Variants in GRIA3 observed in about 807,000 individuals in gnomAD.
GRIA3 encodes the protein glutamate ionotropic receptor AMPA type subunit 3.
Under a neutral mutation model 63.0 loss-of-function variants are expected in GRIA3, and 3 were observed. That is an observed-to-expected ratio of 0.05 (90% CI 0.02 to 0.12). The LOEUF is 0.12. GRIA3 is among the 10% of genes least tolerant of loss of function. The probability of loss-of-function intolerance (pLI) is 1.00; values close to 1 mark genes in which losing one functional copy is unlikely to be tolerated. For synonymous variants in GRIA3, 274 were observed against 257.9 expected (o/e 1.06, Z -0.60); for missense variants, 347 against 700.9 (o/e 0.50, Z 5.70).
In GRIA3 at chrX:123,479,820, T is replaced by C. The variant is rs2045904102; in HGVS notation, c.2325-243T>C. Among the ~76,000 whole-genome samples the C allele has an allele frequency of 2.7e-5, 3 of 111,999 alleles. No homozygotes were observed. The South Asian group carries it at 1.1e-3, about 42-fold the overall frequency. ...CCTATCTGAGGAGTGCCTTTTTTTC[T>C]ATCCTCATTATTTAACAGTGTGTGC... On this transcript the variant is annotated intron_variant, in intron 13 of 15. Coordinates refer to ENST00000620443, the MANE Select transcript of GRIA3 (RefSeq NM_007325.5).
intron 13 of GRIA3, among the ~76,000 whole-genome samples, chrX:123,471,601 T>C (rs1400229433): frequency 3.6e-5 from 4 of 111,593 alleles, no homozygotes; most frequent in Non-Finnish European, 7.5e-5. Context: ...AGTGAAATGG[T>C]GTATGTTTAT....
chrX:123,205,557 A>G (rs1013261145), intron 2 of GRIA3, among the ~76,000 whole-genome samples: 5 of 111,921 alleles, frequency 4.5e-5, no homozygotes, highest in Non-Finnish European at 7.5e-5. Flanking sequence ...CTAAAAGTAG[A>G]TATACTAAAA....
At chrX:123,468,835 C>T (rs903008994) in intron 13 of GRIA3, among the ~76,000 whole-genome samples, 3 of 112,296 alleles carry the variant, frequency 2.7e-5, no homozygotes, top group Non-Finnish European at 3.8e-5. Flanking sequence ...AGAGAAAGTG[C>T]GATCCAGAGA....
intron 5 of GRIA3, among the ~76,000 whole-genome samples, chrX:123,375,647 G>C (rs1278893268): frequency 1.8e-5 from 2 of 111,562 alleles, no homozygotes; most frequent in Non-Finnish European, 3.8e-5. Context: ...TCCAGTCTCA[G>C]TTTTCTGGAC....
At chrX:123,365,864 A>T (rs1331067463) in intron 5 of GRIA3, among the ~76,000 whole-genome samples, 2 of 112,107 alleles carry the variant, frequency 1.8e-5, no homozygotes, top group Non-Finnish European at 3.8e-5. Context: ...AAAGTAAAGG[A>T]ACAAAGAATA....
intron 3 of GRIA3, among the ~76,000 whole-genome samples, chrX:123,287,182 G>A (rs900547924): frequency 9.0e-6 from 1 of 111,561 alleles, no homozygotes; most frequent in Non-Finnish European, 1.9e-5. Context: ...TATCTCAATA[G>A]ATGCAGAAAA....
rs1348154756 is a variant in GRIA3 at position 123,428,159 on chromosome X, T to C, written c.2076+20T>C. On this transcript the variant is annotated intron_variant, in intron 12 of 15. Coordinates refer to ENST00000620443, the MANE Select transcript of GRIA3 (RefSeq NM_007325.5). ...TTCAGAGTAAGTGCTCTGCAGTTAA[T>C]TGAGCCTGCTGATATTTATTTTATC... 1.3e-5 allele frequency: 13 copies of C among 1,018,774 alleles called. No individual in the cohort carries two copies. The highest frequency in any genetic ancestry group is 1.8e-5 in the Non-Finnish European group (13 of 721,070). 84.0% of individuals were successfully genotyped at this position (1,018,774 alleles called of 1,213,427 possible).
At chrX:123,185,106 G>C (rs1927223623) in intron 1 of GRIA3, 3 of 296,233 alleles carry the variant, frequency 1.0e-5, no homozygotes, top group African/African-American at 2.7e-5. Context: ...TCCGGCTGTC[G>C]GGAGACAGGC....
chrX:123,370,769 T>C (rs2045241720), intron 5 of GRIA3, among the ~76,000 whole-genome samples: 2 of 85,705 alleles, frequency 2.3e-5, no homozygotes, highest in Non-Finnish European at 5.6e-5. Flanking sequence ...CATATGTGTA[T>C]ATATATATGT....
At chrX:123,300,797 G>A (rs2044718246) in intron 3 of GRIA3, among the ~76,000 whole-genome samples, 1 of 109,972 alleles carries the variant, frequency 9.1e-6, no homozygotes, top group African/African-American at 3.3e-5. Flanking sequence ...TTTTCGAGAT[G>A]GGCATTTAGT....
At chrX:123,215,221 C>T (rs1017496986) in intron 2 of GRIA3, among the ~76,000 whole-genome samples, 10 of 111,712 alleles carry the variant, frequency 9.0e-5, no homozygotes, top group African/African-American at 3.3e-4. Context: ...CTGCTGCCGC[C>T]TCAAGGTATA....
At chrX:123,345,045 A>T (rs1387911321) in intron 4 of GRIA3, among the ~76,000 whole-genome samples, 1 of 111,141 alleles carries the variant, frequency 9.0e-6, no homozygotes, top group Non-Finnish European at 1.9e-5. Flanking sequence ...CATAGTGTAC[A>T]CTTTGAGAAA....
At chrX:123,391,220 T>C (rs2045384841) in intron 5 of GRIA3, among the ~76,000 whole-genome samples, 1 of 111,655 alleles carries the variant, frequency 9.0e-6, no homozygotes, top group Non-Finnish European at 1.9e-5. Context: ...TACTTTTTCG[T>C]ACTTTTTGTG....
intron 6 of GRIA3, among the ~76,000 whole-genome samples, chrX:123,396,253 G>A (rs1216962384): frequency 9.7e-6 from 1 of 103,160 alleles, no homozygotes; most frequent in East Asian, 3.1e-4. Context: ...AGGGAGAACA[G>A]TAGGCAACAC....
intron 5 of GRIA3, among the ~76,000 whole-genome samples, chrX:123,393,913 T>C (rs956143044): frequency 3.6e-5 from 4 of 112,200 alleles, no homozygotes; most frequent in African/African-American, 1.3e-4. Flanking sequence ...CAGCAATTCC[T>C]AGGCTGCTAC....
intron 3 of GRIA3, among the ~76,000 whole-genome samples, chrX:123,254,015 T>C (rs989812748): frequency 3.0e-4 from 34 of 112,241 alleles, no homozygotes; most frequent in African/African-American, 1.0e-3. Flanking sequence ...GCAATGTCTC[T>C]TGCTTCCAGG....
intron 12 of GRIA3, among the ~76,000 whole-genome samples, chrX:123,457,939 G>A (rs1000008999): frequency 9.0e-6 from 1 of 111,181 alleles, no homozygotes; most frequent in South Asian, 3.8e-4. Context: ...AAAATGAAAA[G>A]GTATCTAGAA....
chrX:123,372,437 G>C (rs1219802368), intron 5 of GRIA3, among the ~76,000 whole-genome samples: 1 of 111,895 alleles, frequency 8.9e-6, no homozygotes, highest in Non-Finnish European at 1.9e-5. Context: ...GATAAGGATT[G>C]TATTGAATCT....
chrX:123,189,182 A>C (rs953547229), intron 2 of GRIA3, among the ~76,000 whole-genome samples: 11 of 112,334 alleles, frequency 9.8e-5, no homozygotes, highest in African/African-American at 3.6e-4. Flanking sequence ...CATGAGGATT[A>C]ATAGAGTTTG....
Sources: gnomAD v4.1 joint callset for allele counts (sites outside exome capture counted in the v4.1 genomes callset) on GRCh38, gnomAD v4.1.1 for gene constraint, MANE v1.5 for transcripts, NCBI Gene and HGNC (gene_info 2026-07-23, HGNC 2026-07-21) for gene names.